The following IRAK1BP1 variants were observed in gnomAD, a reference collection of about 807,000 sequenced individuals.
IRAK1BP1 encodes the protein interleukin-1 receptor-associated kinase 1-binding protein 1.
IRAK1BP1 carries 24 observed loss-of-function variants against 28.0 expected under a neutral mutation model. The observed-to-expected ratio is 0.86, with a 90% CI of 0.62 to 1.20. The LOEUF (loss-of-function observed/expected upper bound fraction) is 1.20. Ranked by LOEUF, IRAK1BP1 falls within the 50% of genes most tolerant of loss-of-function variation. The pLI, the probability that IRAK1BP1 is intolerant of heterozygous loss-of-function variation, is 0.00. For missense variants in IRAK1BP1, 336 were observed against 316.7 expected, an observed-to-expected ratio of 1.06 and a Z score of -0.46; for synonymous variants, 131 against 116.3, an observed-to-expected ratio of 1.13 and a Z score of -0.81.
Position 78,867,790 on chromosome 6 carries a change from G to T in IRAK1BP1, c.214G>T (p.Val72Leu). Residue 72 changes from valine (V) to leucine (L), a missense_variant, in exon 1 of 4, where the codon GTG becomes TTG. Val to Leu is a conservative substitution (Grantham distance 32). Transcript: ENST00000369940. ...SAGPDRAQVV[V>L]RVSSTKEAAA... ...GGGCCCTGACCGGGCGCAGGTGGTGGTGCGAGTGAGCAGCACCAAGGAGGC... is the reference window on the plus strand; with the variant it reads ...GGGCCCTGACCGGGCGCAGGTGGTGTTGCGAGTGAGCAGCACCAAGGAGGC... 1 of 1,613,818 alleles carries T rather than the reference G, an allele frequency of 6.2e-7. No homozygotes were observed. The highest frequency in any genetic ancestry group is 8.5e-7 in the Non-Finnish European group (1 of 1,179,888).
At chr6:78,887,112 A>G (rs1771456306) in intron 2 of IRAK1BP1, among the ~76,000 whole-genome samples, 1 of 152,238 alleles carries the variant, frequency 6.6e-6, no homozygotes, top group Non-Finnish European at 1.5e-5. Flanking sequence ...TGTATAACAC[A>G]TACCAGTATT....
intron 1 of IRAK1BP1, among the ~76,000 whole-genome samples, chr6:78,878,452 A>T (rs1771093303): frequency 6.6e-6 from 1 of 152,228 alleles, no homozygotes; most frequent in African/African-American, 2.4e-5. Context: ...GTTAGAATGA[A>T]AACTAACAGA....
the IRAK1BP1 span, among the ~76,000 whole-genome samples, chr6:78,973,725 A>T: frequency 6.6e-6 from 1 of 151,992 alleles, no homozygotes; most frequent in African/African-American, 2.4e-5. Flanking sequence ...AGGGGTTGCA[A>T]TCCTAGTCTG....
At chr6:78,949,459 G>A (rs1187349652), downstream of IRAK1BP1, among the ~76,000 whole-genome samples, 1 of 151,958 alleles carries the variant, frequency 6.6e-6, no homozygotes, top group East Asian at 1.9e-4. Flanking sequence ...TCAGAGCTGG[G>A]ACCAGACAAC....
intron 4 of IRAK1BP1, among the ~76,000 whole-genome samples, chr6:78,920,149 G>A (rs1772683706): frequency 6.6e-6 from 1 of 152,164 alleles, no homozygotes; most frequent in Non-Finnish European, 1.5e-5. Context: ...AGCTACTCAG[G>A]AGGCTGAGGT....
chr6:78,935,521 G>C, intron 4 of IRAK1BP1: 1 of 974,522 alleles, frequency 1.0e-6, no homozygotes, highest in Non-Finnish European at 1.2e-6. Context: ...TATCTCTTAC[G>C]AAAGTATCTG....
At chr6:78,970,989 C>A in the IRAK1BP1 span, 3 of 723,898 alleles carry the variant, frequency 4.1e-6, no homozygotes, top group South Asian at 5.4e-5. Context: ...AATGCCTTTT[C>A]AGCTAATAGA....
chr6:78,948,830 T>G (rs1203859636), downstream of IRAK1BP1, among the ~76,000 whole-genome samples: 1 of 152,154 alleles, frequency 6.6e-6, no homozygotes, highest in African/African-American at 2.4e-5. Context: ...TGCGACTATA[T>G]TTTTTGAAGT....
intron 1 of IRAK1BP1, among the ~76,000 whole-genome samples, chr6:78,869,377 G>A (rs578047158): frequency 6.6e-6 from 1 of 152,056 alleles, no homozygotes; most frequent in Non-Finnish European, 1.5e-5. Flanking sequence ...AAAATTAGGT[G>A]GGCATGGTGG....
the IRAK1BP1 span, among the ~76,000 whole-genome samples, chr6:78,962,490 G>A: frequency 6.6e-6 from 1 of 151,858 alleles, no homozygotes; most frequent in East Asian, 1.9e-4. Flanking sequence ...CTCAATCTCC[G>A]TGTCCATCCA....
At chr6:78,934,757 G>A (rs1773202630) in intron 4 of IRAK1BP1, among the ~76,000 whole-genome samples, 1 of 152,140 alleles carries the variant, frequency 6.6e-6, no homozygotes, top group African/African-American at 2.4e-5. Context: ...TTACAGATGA[G>A]GAAAATGAAG....
chr6:78,940,763 A>T (rs750961817), intron 4 of IRAK1BP1: 1 of 1,613,820 alleles, frequency 6.2e-7, no homozygotes, highest in Admixed American at 1.7e-5. Flanking sequence ...AGAAGTTCCA[A>T]AAGTTAAAGA....
chr6:78,915,752 C>A lies in IRAK1BP1; in HGVS notation c.*67+12642C>A, dbSNP rs75670849. Among the ~76,000 whole-genome samples, 75 of 152,340 alleles carry A rather than the reference C, an allele frequency of 4.9e-4. No homozygotes were observed. In the East Asian group the frequency reaches 0.014, roughly 28 times the overall value. On this transcript the variant is annotated intron_variant and NMD_transcript_variant, in intron 4 of 4. Coordinates refer to the IRAK1BP1 transcript ENST00000606868. ...CAGCCTGAAAGACCTCCCAGCCTTT[C>A]CTGGCTCCCTTCCCACTTTCTTTTG...
the IRAK1BP1 span, among the ~76,000 whole-genome samples, chr6:78,971,929 A>G: frequency 6.6e-6 from 1 of 152,148 alleles, no homozygotes; most frequent in South Asian, 2.1e-4. Flanking sequence ...GTCAAACTGC[A>G]AGGCGGCAGC....
Position 78,871,841 on chromosome 6 carries a change from C to T in IRAK1BP1, c.315+3950C>T, listed in dbSNP as rs989759155. 4 of 429,696 alleles carry T rather than the reference C, an allele frequency of 9.3e-6. No individual in the cohort carries two copies. The East Asian group carries it at 1.5e-4, about 16-fold the overall frequency. The allele number at this position is 429,696 out of a possible 1,614,324, so 26.6% of individuals were successfully genotyped here. On this transcript the variant is annotated intron_variant, in intron 1 of 3. Transcript: ENST00000369940. ...GAGATTTTAGGTAGGGAAGATGTCA[C>T]TGATGCTATTGATACCACTACTTGT...
At chr6:78,925,910 A>G (rs1772875346) in intron 4 of IRAK1BP1, among the ~76,000 whole-genome samples, 1 of 152,038 alleles carries the variant, frequency 6.6e-6, no homozygotes, top group African/African-American at 2.4e-5. Context: ...GTACCTCAAG[A>G]CCGTTATCCT....
At position 78,867,951 on chromosome 6, in the gene IRAK1BP1, T is replaced by TCGGGCCCCA. The variant is rs1162610313; in HGVS notation, c.315+62_315+70dup. On this transcript the variant is annotated intron_variant, in intron 1 of 3. Coordinates refer to ENST00000369940, the MANE Select transcript of IRAK1BP1 (RefSeq NM_001010844.4). ...AAGACACAAAAGGGTTGGCAGATGG[T>TCGGGCCCCA]CGGGCCCCACAGGCCCCCCTAGCGG... is the stretch of plus-strand genomic sequence containing the variant. The TCGGGCCCCA allele has an allele frequency of 3.4e-6, 5 of 1,470,838 alleles. No homozygotes were observed. In the African/African-American group the frequency reaches 7.1e-5, roughly 21 times the overall value. The allele number at this position is 1,470,838 out of a possible 1,614,324, so 91.1% of individuals were successfully genotyped here.
intron 4 of IRAK1BP1, among the ~76,000 whole-genome samples, chr6:78,922,001 C>T (rs1051341812): frequency 1.3e-5 from 2 of 152,210 alleles, no homozygotes; most frequent in African/African-American, 4.8e-5. Context: ...ACCGAAAATT[C>T]TAAAAATCAG....
chr6:78,903,311 C>T (rs1221915767), downstream of IRAK1BP1, among the ~76,000 whole-genome samples: 4 of 151,596 alleles, frequency 2.6e-5, no homozygotes, highest in Non-Finnish European at 4.4e-5. Flanking sequence ...GGCAAAACCC[C>T]GTCTCTACTA....
Sources: allele counts gnomAD v4.1 joint callset (sites outside exome capture counted in the v4.1 genomes callset), GRCh38; gene constraint gnomAD v4.1.1; transcripts MANE v1.5; gene names NCBI Gene and HGNC (gene_info 2026-07-23, HGNC 2026-07-21).